Variants in METTL21A observed in about 807,000 individuals in gnomAD.
METTL21A encodes methyltransferase 21A, HSPA lysine.
In METTL21A, 22 loss-of-function variants were observed where a neutral mutation model predicts 20.9. The ratio of observed to expected loss-of-function variants is 1.05; its 90% confidence interval spans 0.75 to 1.50. The LOEUF is 1.50. METTL21A is among the 40% of genes most tolerant of loss of function. The pLI is 0.00. For missense variants in METTL21A, 271 were observed against 266.8 expected (o/e 1.02, Z -0.11); for synonymous variants, 93 against 102.0 (o/e 0.91, Z 0.53).
At chr2:207,608,558 A>G (rs2088475999), downstream of METTL21A, among the ~76,000 whole-genome samples, 1 of 152,152 alleles carries the variant, frequency 6.6e-6, no homozygotes, top group Non-Finnish European at 1.5e-5. Flanking sequence ...TCACCCAGGG[A>G]TATTATTGAA....
intron 3 of METTL21A, among the ~76,000 whole-genome samples, chr2:207,583,205 G>T (rs1210230529): frequency 6.6e-6 from 1 of 152,012 alleles, no homozygotes; most frequent in Non-Finnish European, 1.5e-5. Context: ...TTATATAAGG[G>T]ACTTGAGCAT....
At chr2:207,612,130 G>A (rs1413559152), downstream of METTL21A, 2 of 106,370 alleles carry the variant, frequency 1.9e-5, no homozygotes, top group Non-Finnish European at 3.4e-5. Flanking sequence ...ATGGAGTCTC[G>A]CTCTTGTCCC....
At chr2:207,613,928 G>A (rs1198364394) in intron 3 of METTL21A, among the ~76,000 whole-genome samples, 10 of 152,236 alleles carry the variant, frequency 6.6e-5, no homozygotes, top group Middle Eastern at 6.8e-3. Context: ...CTGAGATCTC[G>A]CCACTGCACT....
intron 2 of METTL21A, among the ~76,000 whole-genome samples, 155 bp from the exon 3 acceptor site, chr2:207,622,072 C>A (rs375447935): frequency 3.9e-5 from 6 of 152,132 alleles, no homozygotes; most frequent in African/African-American, 1.4e-4. Context: ...GCAAGGTAAC[C>A]TCCCCCTTAG....
At chr2:207,594,022 G>C (rs2085620944) in intron 3 of METTL21A, among the ~76,000 whole-genome samples, 2 of 152,102 alleles carry the variant, frequency 1.3e-5, no homozygotes, top group South Asian at 4.1e-4. Flanking sequence ...CACCACACCA[G>C]CCCTCACAAA....
chr2:207,614,096 C>T (rs2089355683), intron 3 of METTL21A, among the ~76,000 whole-genome samples: 1 of 151,840 alleles, frequency 6.6e-6, no homozygotes, highest in South Asian at 2.1e-4. Context: ...AAATGGAATC[C>T]AAGAATGAAA....
chr2:207,622,921 T>A (rs574862899), intron 2 of METTL21A, among the ~76,000 whole-genome samples: 2 of 152,086 alleles, frequency 1.3e-5, no homozygotes, highest in African/African-American at 4.8e-5. Context: ...CTTTTTTTTT[T>A]TTTTGAGATG....
intron 3 of METTL21A, among the ~76,000 whole-genome samples, chr2:207,583,231 C>T (rs1456268084): frequency 2.0e-5 from 3 of 152,002 alleles, no homozygotes; most frequent in African/African-American, 7.3e-5. Flanking sequence ...GATTTTGATA[C>T]TCATGAGAGT....
At chr2:207,621,726 G>C in intron 3 of METTL21A, 80 bp downstream of exon 3, 3 of 1,231,696 alleles carry the variant, frequency 2.4e-6, no homozygotes, top group Non-Finnish European at 3.6e-6. Flanking sequence ...GAAAACCCAC[G>C]AAGGGTTTTG....
chr2:207,613,496 G>C lies in METTL21A; in HGVS notation c.260-53C>G, dbSNP rs1174044041. 5.4e-6 allele frequency: 8 copies of C among 1,479,454 alleles called. No homozygotes were observed. In the African/African-American group the frequency reaches 5.6e-5, roughly 10 times the overall value. The allele number at this position is 1,479,454 out of a possible 1,614,324, so 91.6% of individuals were successfully genotyped here. On this transcript the variant is annotated intron_variant, in intron 3 of 3. Transcript: ENST00000406927. Reference sequence around the variant, plus strand: ...TGTGTACATCAGTACAATTCTGTTAGGTAGAGAGGGGGTCAAGTTAAATGT... The same window carrying C: ...TGTGTACATCAGTACAATTCTGTTACGTAGAGAGGGGGTCAAGTTAAATGT...
At chr2:207,586,194 A>G (rs2083807539) in intron 3 of METTL21A, among the ~76,000 whole-genome samples, 1 of 152,238 alleles carries the variant, frequency 6.6e-6, no homozygotes, top group South Asian at 2.1e-4. Context: ...TTCAAAATAT[A>G]CTACAAAGCT....
Position 207,622,045 on chromosome 2 carries a change from G to A in METTL21A, c.148-128C>T, listed in dbSNP as rs766770031. On this transcript the variant is annotated intron_variant, in intron 2 of 3. Transcript: ENST00000406927. ...AATTCCCAGCTTAACAACACACACA[G>A]GAACTTAGCTGGTGCAGCAAGGTAA... 5.3e-4 allele frequency: 400 copies of A among 758,824 alleles called. 5 individuals carry two copies. The highest frequency in any genetic ancestry group is 4.4e-3 in the Middle Eastern group (12 of 2,722). 47.0% of individuals were successfully genotyped at this position (758,824 alleles called of 1,614,324 possible).
intron 3 of METTL21A, among the ~76,000 whole-genome samples, chr2:207,614,977 A>G (rs2089494949): frequency 6.6e-6 from 1 of 152,198 alleles, no homozygotes; most frequent in Non-Finnish European, 1.5e-5. Flanking sequence ...GTGGCAGCTG[A>G]TACTCAGTGT....
At chr2:207,624,339 C>G (rs2090863757) in exon 2 of METTL21A, 4 of 1,613,960 alleles carry the variant, frequency 2.5e-6, no homozygotes, top group Non-Finnish European at 3.4e-6. Flanking sequence ...TTCTGCAACC[C>G]AAATTCCGTG....
At chr2:207,586,139 T>C (rs1198764810) in intron 3 of METTL21A, among the ~76,000 whole-genome samples, 1 of 152,120 alleles carries the variant, frequency 6.6e-6, no homozygotes, top group Non-Finnish European at 1.5e-5. Flanking sequence ...AGCCAAAGCA[T>C]TCCTGAACTA....
At chr2:207,582,551 C>A (rs1477617399) in intron 3 of METTL21A, among the ~76,000 whole-genome samples, 2 of 152,036 alleles carry the variant, frequency 1.3e-5, no homozygotes, top group Non-Finnish European at 2.9e-5. Context: ...TCTTCTGTGT[C>A]CTTTTGACAT....
At chr2:207,615,787 C>G (rs1439420954) in intron 3 of METTL21A, 2 of 151,852 alleles carry the variant, frequency 1.3e-5, no homozygotes, top group Non-Finnish European at 2.9e-5. Context: ...TACTGTCATA[C>G]AATTCAGTAA....
At chr2:207,595,219 C>T (rs1350017945) in intron 3 of METTL21A, among the ~76,000 whole-genome samples, 1 of 151,784 alleles carries the variant, frequency 6.6e-6, no homozygotes, top group Non-Finnish European at 1.5e-5. Context: ...TGGTCTTGAA[C>T]TCCTGACCTC....
chr2:207,580,640 A>G (rs146101991), downstream of METTL21A: 3 of 219,642 alleles, frequency 1.4e-5, no homozygotes, highest in African/African-American at 6.7e-5. Context: ...ATTCATCACT[A>G]TCCAAATTGC....
Sources: allele counts gnomAD v4.1 joint callset (sites outside exome capture counted in the v4.1 genomes callset), GRCh38; gene constraint gnomAD v4.1.1; transcripts MANE v1.5; gene names NCBI Gene and HGNC (gene_info 2026-07-23, HGNC 2026-07-21).